The following ZSWIM6 variants were observed in gnomAD, a reference collection of about 807,000 sequenced individuals.
ZSWIM6 encodes zinc finger SWIM domain-containing protein 6.
ZSWIM6 carries 9 observed loss-of-function variants against 113.2 expected under a neutral mutation model. That is an observed-to-expected ratio of 0.08 (90% CI 0.05 to 0.14). The LOEUF is 0.14. ZSWIM6 is among the 10% of genes least tolerant of loss of function. ZSWIM6 has a pLI of 1.00. For missense variants in ZSWIM6, 1,162 were observed against 1,552.2 expected, an observed-to-expected ratio of 0.75 and a Z score of 4.22; for synonymous variants, 611 against 606.5, an observed-to-expected ratio of 1.01 and a Z score of -0.11.
chr5:61,523,125 G>C (rs1326042642), intron 5 of ZSWIM6, among the ~76,000 whole-genome samples: 1 of 152,198 alleles, frequency 6.6e-6, no homozygotes, highest in East Asian at 1.9e-4. Flanking sequence ...CCATCCTTCT[G>C]AGGGGCTGTC....
intron 1 of ZSWIM6, among the ~76,000 whole-genome samples, chr5:61,444,245 G>T (rs973694987): frequency 1.3e-5 from 2 of 151,576 alleles, no homozygotes; most frequent in East Asian, 3.9e-4. Context: ...ATGGTTTCCA[G>T]TTTCATCCAT....
chr5:61,541,106 G>C (rs908989559), intron 12 of ZSWIM6, among the ~76,000 whole-genome samples: 1 of 151,848 alleles, frequency 6.6e-6, no homozygotes, highest in African/African-American at 2.4e-5. Flanking sequence ...ACCACACCTG[G>C]CTAATTTTTA....
intron 1 of ZSWIM6, among the ~76,000 whole-genome samples, chr5:61,374,947 T>C (rs1314507782): frequency 6.6e-6 from 1 of 152,124 alleles, no homozygotes; most frequent in Non-Finnish European, 1.5e-5. Flanking sequence ...TTTTTTTGGC[T>C]TGACAAACTA....
chr5:61,532,877 A>G (rs1749477511), intron 9 of ZSWIM6, among the ~76,000 whole-genome samples: 1 of 152,166 alleles, frequency 6.6e-6, no homozygotes, highest in Admixed American at 6.5e-5. Flanking sequence ...TTTCTCCCAT[A>G]TAATTCCTTA....
chr5:61,482,352 G>C (rs933405366), intron 2 of ZSWIM6, among the ~76,000 whole-genome samples: 7 of 148,544 alleles, frequency 4.7e-5, no homozygotes, highest in Non-Finnish European at 7.6e-5. Flanking sequence ...CTGTTGGGGA[G>C]CGTGGGGGGT....
rs569554745 is a variant in ZSWIM6, at chr5:61,532,902, T to A, written c.2245+1177T>A. Reference sequence around the variant, plus strand: ...ATAATTCCTTATGCTATAAGCAATGTCATTAGTCACAAGCATTTTTTAAAT... The same window carrying A: ...ATAATTCCTTATGCTATAAGCAATGACATTAGTCACAAGCATTTTTTAAAT... On this transcript the variant is annotated intron_variant, in intron 9 of 13. Transcript: ENST00000252744. 5.9e-5 allele frequency among the ~76,000 whole-genome samples: 9 copies of A among 152,360 alleles called. No individual in the cohort carries two copies. In the South Asian group the frequency reaches 1.9e-3, roughly 32 times the overall value.
chr5:61,530,370 A>C (rs2112275426), intron 8 of ZSWIM6, among the ~76,000 whole-genome samples, 172 bp downstream of exon 8: 1 of 152,344 alleles, frequency 6.6e-6, no homozygotes, highest in Non-Finnish European at 1.5e-5. Flanking sequence ...GGCTGCTACA[A>C]AACTGGGAAA....
chr5:61,419,910 A>G (rs1746323316), intron 1 of ZSWIM6, among the ~76,000 whole-genome samples: 1 of 152,212 alleles, frequency 6.6e-6, no homozygotes. Flanking sequence ...AATATCTTAG[A>G]AATTGCAATC....
chr5:61,351,669 T>TA (rs1473370679), intron 1 of ZSWIM6, among the ~76,000 whole-genome samples: 1 of 152,222 alleles, frequency 6.6e-6, no homozygotes, highest in African/African-American at 2.4e-5. Flanking sequence ...GTTGTGGTGA[T>TA]ATGACCCAGA....
In ZSWIM6 at chr5:61,332,578, G is replaced by A. The variant is rs772018109; in HGVS notation, c.306G>A (p.Pro102=). The A allele has an allele frequency of 8.8e-6, 12 of 1,358,972 alleles. No individual in the cohort carries two copies. In the South Asian group the frequency reaches 1.5e-4, roughly 17 times the overall value. The allele number at this position is 1,358,972 out of a possible 1,614,324, so 84.2% of individuals were successfully genotyped here. A position where few individuals can be genotyped will look rare whatever the true frequency, so the allele number is the denominator to read the frequency against. The change falls in exon 1 of 14, where the codon CCG becomes CCA. Residue 102 remains proline (P), a synonymous_variant. Transcript: ENST00000252744. Reference sequence around the variant, plus strand: ...TGGAGGAGCGCTTTGAGCGCATCCCGGAGCCGGTGCAGCGCCGCATAGTCT... The same window carrying A: ...TGGAGGAGCGCTTTGAGCGCATCCCAGAGCCGGTGCAGCGCCGCATAGTCT... ...QRVEERFERI[P]EPVQRRIVYW...
intron 5 of ZSWIM6, 132 bp downstream of exon 5, chr5:61,521,574 T>G (rs1348546303): frequency 1.7e-6 from 1 of 588,840 alleles, no homozygotes; most frequent in East Asian, 3.5e-5. Flanking sequence ...GTACTTAATA[T>G]GTGTTGACTG....
At chr5:61,415,591 C>T (rs1746231175) in intron 1 of ZSWIM6, among the ~76,000 whole-genome samples, 2 of 136,958 alleles carry the variant, frequency 1.5e-5, no homozygotes, top group African/African-American at 2.6e-5. Flanking sequence ...GACTCTGTCT[C>T]CAAAAAAAAA....
chr5:61,413,269 G>A (rs1307696753), intron 1 of ZSWIM6, among the ~76,000 whole-genome samples: 4 of 147,756 alleles, frequency 2.7e-5, no homozygotes, highest in Non-Finnish European at 4.4e-5. Flanking sequence ...GAGAACATGC[G>A]GTGTTTGGTT....
intron 2 of ZSWIM6, among the ~76,000 whole-genome samples, chr5:61,474,769 G>A (rs1157649139): frequency 2.6e-5 from 4 of 152,138 alleles, no homozygotes; most frequent in Non-Finnish European, 4.4e-5. Context: ...TTTGAAAGGA[G>A]CTGCTGTAAA....
At chr5:61,529,989 C>A in intron 7 of ZSWIM6, 63 bp from the exon 8 acceptor site, 1 of 1,397,560 alleles carries the variant, frequency 7.2e-7, no homozygotes, top group Non-Finnish European at 9.6e-7. Context: ...CTCTGTTTTC[C>A]CCACTTCTTT....
At chr5:61,522,873 C>G (rs1749169785) in intron 5 of ZSWIM6, among the ~76,000 whole-genome samples, 1 of 152,188 alleles carries the variant, frequency 6.6e-6, no homozygotes. Context: ...CTTTTGGGGA[C>G]TGCTACTCAA....
At position 61,525,807 on chromosome 5, in the gene ZSWIM6, G is replaced by C; in HGVS notation, c.1521G>C (p.Ser507=). The change falls in exon 6 of 14, where the codon TCG becomes TCC. Residue 507 remains serine, a synonymous_variant. Coordinates refer to ENST00000252744, the MANE Select transcript of ZSWIM6 (RefSeq NM_020928.2). ...PQGANANQDS[S]NRPHRTVFTR... The stretch of plus-strand genomic sequence containing the variant: ...GAATTGTGGAAAAAACAGATTCATC[G>C]AACAGGCCACATCGGACAGTGTTCA... 6.4e-7 allele frequency: 1 copy of C among 1,551,504 alleles called. No homozygotes were observed. Among genetic ancestry groups the C allele is most frequent in the South Asian group, 1.2e-5 (1 of 84,040 alleles).
At chr5:61,358,990 C>G (rs1422369903) in intron 1 of ZSWIM6, among the ~76,000 whole-genome samples, 1 of 152,162 alleles carries the variant, frequency 6.6e-6, no homozygotes, top group African/African-American at 2.4e-5. Context: ...TGGGGAAGCT[C>G]TGCTGTATAG....
intron 1 of ZSWIM6, among the ~76,000 whole-genome samples, chr5:61,422,542 A>G (rs1005251160): frequency 7.9e-5 from 12 of 151,940 alleles, no homozygotes; most frequent in African/African-American, 2.9e-4. Flanking sequence ...AGCTTTGACT[A>G]TTTTGGGTCT....
Sources: gnomAD v4.1 joint callset for allele counts (sites outside exome capture counted in the v4.1 genomes callset) on GRCh38, gnomAD v4.1.1 for gene constraint, MANE v1.5 for transcripts, NCBI Gene and HGNC (gene_info 2026-07-23, HGNC 2026-07-21) for gene names.